The following PCDH9 variants were observed in gnomAD, a reference collection of about 807,000 sequenced individuals.
The protein encoded by PCDH9 is protocadherin 9.
A neutral mutation model predicts 70.6 loss-of-function variants in PCDH9; 24 were observed. The ratio of observed to expected loss-of-function variants is 0.34; its 90% confidence interval spans 0.25 to 0.48. PCDH9 has a LOEUF of 0.48. Ranked by LOEUF, PCDH9 falls within the 20% of genes least tolerant of loss-of-function variation. The probability of loss-of-function intolerance (pLI) is 0.99; values close to 1 mark genes in which losing one functional copy is unlikely to be tolerated. For synonymous variants in PCDH9, 562 were observed against 558.5 expected, an observed-to-expected ratio of 1.01 and a Z score of -0.09; for missense variants, 1,281 against 1,503.6, an observed-to-expected ratio of 0.85 and a Z score of 2.45.
chr13:66,890,784 C>T (rs1308614747), intron 3 of PCDH9, among the ~76,000 whole-genome samples: 2 of 152,058 alleles, frequency 1.3e-5, no homozygotes, highest in African/African-American at 4.8e-5. Flanking sequence ...CCTTTTGTTT[C>T]GATTGAGCTC....
intron 2 of PCDH9, among the ~76,000 whole-genome samples, chr13:67,119,050 T>C (rs9571713): frequency 0.42 from 63,898 of 151,942 alleles, 13,987 homozygotes; most frequent in Admixed American, 0.49. Context: ...TAAGATCATG[T>C]TTAGAATATA....
At chr13:66,736,457 T>C (rs2079150214) in intron 3 of PCDH9, among the ~76,000 whole-genome samples, 1 of 152,178 alleles carries the variant, frequency 6.6e-6, no homozygotes, top group African/African-American at 2.4e-5. Context: ...AGAAACCAAA[T>C]ATACCCATAC....
intron 3 of PCDH9, among the ~76,000 whole-genome samples, chr13:66,698,553 A>G (rs2078593467): frequency 6.6e-6 from 1 of 152,148 alleles, no homozygotes; most frequent in Admixed American, 6.5e-5. Context: ...TCCCTTTTAG[A>G]TGGGAAAGAA....
chr13:67,102,985 G>GA (rs1303596650), intron 2 of PCDH9, among the ~76,000 whole-genome samples: 14 of 151,706 alleles, frequency 9.2e-5, no homozygotes, highest in African/African-American at 2.2e-4. Flanking sequence ...AAAATATACA[G>GA]AAAAAATAGG....
At chr13:66,364,706 A>T (rs1253225291) in intron 4 of PCDH9, among the ~76,000 whole-genome samples, 1 of 152,166 alleles carries the variant, frequency 6.6e-6, no homozygotes, top group African/African-American at 2.4e-5. Flanking sequence ...AAGGAAGGGG[A>T]AAAAATGATC....
At chr13:66,651,287 G>A (rs2077848367) in intron 3 of PCDH9, among the ~76,000 whole-genome samples, 1 of 151,642 alleles carries the variant, frequency 6.6e-6, no homozygotes, top group Non-Finnish European at 1.5e-5. Context: ...AGAAAAGAGA[G>A]AAGACCCAAA....
chr13:66,864,088 T>A (rs2081530447), intron 3 of PCDH9, among the ~76,000 whole-genome samples: 1 of 152,128 alleles, frequency 6.6e-6, no homozygotes, highest in South Asian at 2.1e-4. Flanking sequence ...CGGAGGTAAC[T>A]GCCCCCATAA....
intron 2 of PCDH9, among the ~76,000 whole-genome samples, chr13:67,185,025 T>C (rs2088715836): frequency 6.6e-6 from 1 of 152,148 alleles, no homozygotes; most frequent in Admixed American, 6.5e-5. Context: ...TTGTCTACCA[T>C]TCATGTAACT....
chr13:66,913,692 T>G (rs1255810125), intron 2 of PCDH9, among the ~76,000 whole-genome samples: 1 of 152,040 alleles, frequency 6.6e-6, no homozygotes, highest in Non-Finnish European at 1.5e-5. Context: ...CTCATTCGCT[T>G]AATATCTCTA....
intron 2 of PCDH9, among the ~76,000 whole-genome samples, chr13:66,995,070 G>T (rs1316411007): frequency 6.6e-6 from 1 of 152,196 alleles, no homozygotes; most frequent in Admixed American, 6.5e-5. Context: ...TCCAGACCAC[G>T]GAGGGTGCTG....
chr13:66,657,367 C>A (rs1013981310), intron 3 of PCDH9, among the ~76,000 whole-genome samples: 21 of 152,250 alleles, frequency 1.4e-4, no homozygotes, highest in Middle Eastern at 3.4e-3. Context: ...GCCACCTGAA[C>A]ACAAAGTCAC....
chr13:66,423,366 C>CAAA (rs140963895), intron 4 of PCDH9, among the ~76,000 whole-genome samples: 2 of 138,636 alleles, frequency 1.4e-5, no homozygotes, highest in African/African-American at 2.7e-5. Flanking sequence ...AGAGACACAG[C>CAAA]AAAAAAAAAA....
intron 4 of PCDH9, among the ~76,000 whole-genome samples, chr13:66,339,020 T>A: frequency 6.6e-6 from 1 of 152,094 alleles, no homozygotes; most frequent in East Asian, 1.9e-4. Flanking sequence ...TTGAGATTAT[T>A]AATGAAAACC....
At chr13:66,858,518 T>C (rs1055439099) in intron 3 of PCDH9, among the ~76,000 whole-genome samples, 2 of 152,172 alleles carry the variant, frequency 1.3e-5, no homozygotes, top group Admixed American at 1.3e-4. Flanking sequence ...CTAACACTCA[T>C]TGGCACATAA....
intron 2 of PCDH9, among the ~76,000 whole-genome samples, chr13:67,028,459 C>T (rs2084835393): frequency 6.6e-6 from 1 of 150,672 alleles, no homozygotes; most frequent in African/African-American, 2.4e-5. Flanking sequence ...AGGAGATATA[C>T]TTAGTGCTAG....
intron 2 of PCDH9, among the ~76,000 whole-genome samples, chr13:66,961,918 G>GC (rs2083353878): frequency 1.3e-5 from 2 of 152,042 alleles, no homozygotes; most frequent in South Asian, 2.1e-4. Context: ...GGGCATGGTG[G>GC]CGTGTGCCGG....
chr13:66,798,955 C>T (rs1300525016), intron 3 of PCDH9, among the ~76,000 whole-genome samples: 1 of 151,966 alleles, frequency 6.6e-6, no homozygotes, highest in Non-Finnish European at 1.5e-5. Flanking sequence ...GCTGAGATTA[C>T]AGCGCGTGCC....
intron 2 of PCDH9, among the ~76,000 whole-genome samples, chr13:67,084,027 T>G (rs1439267277): frequency 1.3e-5 from 2 of 152,092 alleles, no homozygotes; most frequent in African/African-American, 4.8e-5. Flanking sequence ...AACATGGAAA[T>G]GTAGGAAAAC....
At chr13:67,214,956 A>ATATATATATATATATG (rs1467481427) in intron 2 of PCDH9, 1 of 73,536 alleles carries the variant, frequency 1.4e-5, no homozygotes, top group Non-Finnish European at 2.9e-5. Flanking sequence ...ATATATATAT[A>ATATATATATATATATG]TATATATATA....
Sources: gnomAD v4.1 joint callset for allele counts (sites outside exome capture counted in the v4.1 genomes callset) on GRCh38, gnomAD v4.1.1 for gene constraint, MANE v1.5 for transcripts, NCBI Gene and HGNC (gene_info 2026-07-23, HGNC 2026-07-21) for gene names.